Variants in WNT1 observed in about 807,000 individuals in gnomAD.
WNT1 encodes Wnt family member 1.
A neutral mutation model predicts 21.3 loss-of-function variants in WNT1; 10 were observed. That is an observed-to-expected ratio of 0.47 (90% CI 0.29 to 0.80). The LOEUF is 0.80. Among genes scored for constraint, WNT1 ranks in the 30% least tolerant of loss-of-function variants. The pLI is 0.09. For synonymous variants in WNT1, 208 were observed against 236.3 expected (o/e 0.88, Z 1.10); for missense variants, 476 against 534.1 (o/e 0.89, Z 1.07).
Position 48,982,273 on chromosome 12 carries a change from T to A in WNT1, c.*633T>A, listed in dbSNP as rs186599740. 2.8e-4 allele frequency among the ~76,000 whole-genome samples: 43 copies of A among 152,272 alleles called. No homozygotes were observed. The highest frequency in any genetic ancestry group is 5.9e-4 in the Admixed American group (9 of 15,278). ...TGAACAGCTGTGAGCCATGCCTCCC[T>A]GGGCCACCTCCTACCCCTTCCTGTC... is the stretch of plus-strand genomic sequence containing the variant. On this transcript the variant is annotated 3_prime_UTR_variant, in exon 4 of 4. Coordinates refer to ENST00000293549, the MANE Select transcript of WNT1 (RefSeq NM_005430.4).
chr12:48,981,444 G>T lies in WNT1; in HGVS notation c.917G>T (p.Gly306Val). Reference protein sequence around the residue: ...PNFCTYSGRLGTAGTAGRACN... With the variant: ...PNFCTYSGRLVTAGTAGRACN... Reference sequence around the variant, plus strand: ...TTCTGCACGTACAGCGGACGCCTGGGCACAGCAGGCACGGCAGGGCGCGCC... The same window carrying T: ...TTCTGCACGTACAGCGGACGCCTGGTCACAGCAGGCACGGCAGGGCGCGCC... Residue 306 changes from glycine to valine, a missense_variant, in exon 4 of 4, where the codon GGC (glycine) becomes GTC (valine). Gly to Val is a moderately radical substitution (Grantham distance 109, BLOSUM62 -3). Coordinates refer to ENST00000293549, the MANE Select transcript of WNT1 (RefSeq NM_005430.4). The surrounding 1 kb of genome is among the most constrained non-coding windows in gnomAD (Gnocchi z 7.4). 6.4e-7 allele frequency: 1 copy of T among 1,566,326 alleles called. No homozygotes were observed. The highest frequency in any genetic ancestry group is 8.7e-7 in the Non-Finnish European group (1 of 1,155,340).
chr12:48,982,537 T>C lies in WNT1; in HGVS notation c.*897T>C, dbSNP rs899809887. ...TTTGCCTCCTGGAATCAGTATTTCC[T>C]TCCACTGTAGCTATTAGCGGCTCCT... On this transcript the variant is annotated 3_prime_UTR_variant, in exon 4 of 4. Transcript: ENST00000293549. Among the ~76,000 whole-genome samples the C allele has an allele frequency of 1.3e-5, 2 of 152,178 alleles. No homozygotes were observed. The highest frequency in any genetic ancestry group is 4.8e-5 in the African/African-American group (2 of 41,432).
At position 48,979,745 on chromosome 12, in the gene WNT1, T is replaced by C. The variant is rs1175517494; in HGVS notation, c.358+24T>C. 6.4e-7 allele frequency: 1 copy of C among 1,561,956 alleles called. No individual in the cohort carries two copies. Among genetic ancestry groups the C allele is most frequent in the Non-Finnish European group, 8.7e-7 (1 of 1,151,710 alleles). ...AGGTGGGTGCCCAGGAAGGCGACGC[T>C]TCCGGGAGCAGGGGAAACGCGGGGT... On this transcript the variant is annotated intron_variant, in intron 2 of 3. Transcript: ENST00000293549. This position sits in a 1 kb window ranked among gnomAD's most constrained non-coding sequence, Gnocchi z 6.0.
chr12:48,979,333 T>G lies in WNT1; in HGVS notation c.105-135T>G. 2 of 1,209,118 alleles carry G rather than the reference T, an allele frequency of 1.7e-6. No homozygotes were observed. The highest frequency in any genetic ancestry group is 2.3e-6 in the Non-Finnish European group (2 of 873,696). 74.9% of individuals were successfully genotyped at this position (1,209,118 alleles called of 1,614,324 possible). A position where few individuals can be genotyped will look rare whatever the true frequency, so the allele number is the denominator to read the frequency against. ...CCCAGTTCTTTCAAATTAGTGAGCC[T>G]GGGAGAGCGGGTATTATTAATCTCC... On this transcript the variant is annotated intron_variant, in intron 1 of 3. Transcript: ENST00000293549. This position sits in a 1 kb window ranked among gnomAD's most constrained non-coding sequence, Gnocchi z 6.0.
rs1288891943 is a variant in WNT1 at position 48,980,689 on chromosome 12, G to A, written c.624G>A (p.Thr208=). The A allele has an allele frequency of 3.9e-6, 6 of 1,542,876 alleles. No homozygotes were observed. The highest frequency in any genetic ancestry group is 4.4e-6 in the Non-Finnish European group (5 of 1,145,930). ...MNLHNNEAGR[T]TVFSEMRQEC... ...TTCACAACAACGAGGCAGGCCGTAC[G>A]GTGAGCTTTGAGAGGCTCCGCACCC... is the stretch of plus-strand genomic sequence containing the variant. The change falls in exon 3 of 4, where the codon ACG becomes ACA. Residue 208 remains threonine (T), a splice_region_variant and synonymous_variant. Coordinates refer to ENST00000293549, the MANE Select transcript of WNT1 (RefSeq NM_005430.4). This position sits in a 1 kb window ranked among gnomAD's most constrained non-coding sequence, Gnocchi z 7.0.
Position 48,981,337 on chromosome 12 carries a change from G to A in WNT1, c.810G>A (p.Glu270=), listed in dbSNP as rs1941011069. 1 of 1,566,500 alleles carries A rather than the reference G, an allele frequency of 6.4e-7. No individual in the cohort carries two copies. The highest frequency in any genetic ancestry group is 8.7e-7 in the Non-Finnish European group (1 of 1,155,800). Residue 270 remains glutamate, a synonymous_variant, in exon 4 of 4, where the codon GAG becomes GAA. Coordinates refer to ENST00000293549, the MANE Select transcript of WNT1 (RefSeq NM_005430.4). The surrounding 1 kb of genome is among the most constrained non-coding windows in gnomAD (Gnocchi z 7.4). ...GCAGCAACCGCGCTTCGCGGGCGGA[G>A]CTGCTGCGCCTGGAGCCGGAAGACC... is the stretch of plus-strand genomic sequence containing the variant. ...NRGSNRASRA[E]LLRLEPEDPA... is the part of the protein sequence containing the mutation.
Position 48,980,421 on chromosome 12 carries a change from C to T in WNT1, c.359-3C>T. 1 of 1,614,224 alleles carries T rather than the reference C, an allele frequency of 6.2e-7. No individual in the cohort carries two copies. Among genetic ancestry groups the T allele is most frequent in the Non-Finnish European group, 8.5e-7 (1 of 1,180,038 alleles). ...CGCTGATCCCCGCTCCCTTCTCCCA[C>T]AGGCTGTCGAGAAACGGCGTTTATC... is the stretch of plus-strand genomic sequence containing the variant. On this transcript the variant is annotated splice_region_variant and splice_polypyrimidine_tract_variant and intron_variant, in intron 2 of 3. Coordinates refer to ENST00000293549, the MANE Select transcript of WNT1 (RefSeq NM_005430.4). The surrounding 1 kb of genome is among the most constrained non-coding windows in gnomAD (Gnocchi z 7.0).
Position 48,981,755 on chromosome 12 carries a change from C to A in WNT1, c.*115C>A, listed in dbSNP as rs183334037. On this transcript the variant is annotated 3_prime_UTR_variant, in exon 4 of 4. Coordinates refer to ENST00000293549, the MANE Select transcript of WNT1 (RefSeq NM_005430.4). This position sits in a 1 kb window ranked among gnomAD's most constrained non-coding sequence, Gnocchi z 7.4. Reference sequence around the variant, plus strand: ...CCCGAGTACCTCCAGTCACACTCCCCGCGGTTCATACGCATCCCATCTCTC... The same window carrying A: ...CCCGAGTACCTCCAGTCACACTCCCAGCGGTTCATACGCATCCCATCTCTC... 273 of 1,346,142 alleles carry A rather than the reference C, an allele frequency of 2.0e-4. 3 individuals are homozygous for A. The African/African-American group carries it at 3.8e-3, about 19-fold the overall frequency. The allele number at this position is 1,346,142 out of a possible 1,614,324, so 83.4% of individuals were successfully genotyped here. A position where few individuals can be genotyped will look rare whatever the true frequency, so the allele number is the denominator to read the frequency against.
Position 48,979,511 on chromosome 12 carries a change from T to C in WNT1, c.148T>C (p.Ser50Pro). 6.2e-7 allele frequency: 1 copy of C among 1,613,906 alleles called. No homozygotes were observed. Among genetic ancestry groups the C allele is most frequent in the Non-Finnish European group, 8.5e-7 (1 of 1,179,992 alleles). Reference sequence around the variant, plus strand: ...CTCCTCCACGAACCTGCTTACAGACTCCAAGAGTCTGCAACTGGTACTCGA... The same window carrying C: ...CTCCTCCACGAACCTGCTTACAGACCCCAAGAGTCTGCAACTGGTACTCGA... ...VASSTNLLTD[S>P]KSLQLVLEPS... Residue 50 changes from serine to proline, a missense_variant, in exon 2 of 4, where the codon TCC becomes CCC. Transcript: ENST00000293549. This position sits in a 1 kb window ranked among gnomAD's most constrained non-coding sequence, Gnocchi z 6.0.
chr12:48,979,655 C>T lies in WNT1; in HGVS notation c.292C>T (p.Arg98Trp). ...CGTGCGCGAGTGCAAGTGGCAGTTC[C>T]GGAATCGCCGCTGGAACTGTCCCAC... ...SAVRECKWQF[R>W]NRRWNCPTAP... The change falls in exon 2 of 4, where the codon CGG becomes TGG. Residue 98 changes from arginine to tryptophan, a missense_variant. Transcript: ENST00000293549. This position sits in a 1 kb window ranked among gnomAD's most constrained non-coding sequence, Gnocchi z 6.0. The T allele has an allele frequency of 6.2e-7, 1 of 1,613,176 alleles. No individual in the cohort carries two copies. Among genetic ancestry groups the T allele is most frequent in the Non-Finnish European group, 8.5e-7 (1 of 1,179,488 alleles).
chr12:48,981,456 C>T lies in WNT1; in HGVS notation c.929C>T (p.Thr310Met), dbSNP rs1941013307. ...TYSGRLGTAGTAGRACNSSSP... is the reference protein window; with the variant it reads ...TYSGRLGTAGMAGRACNSSSP... The stretch of plus-strand genomic sequence containing the variant: ...AGCGGACGCCTGGGCACAGCAGGCA[C>T]GGCAGGGCGCGCCTGTAACAGCTCG... The change falls in exon 4 of 4, where the codon ACG becomes ATG. Residue 310 changes from threonine to methionine, a missense_variant. Physicochemically the swap from Thr to Met is moderately conservative, Grantham distance 81. Transcript: ENST00000293549. The surrounding 1 kb of genome is among the most constrained non-coding windows in gnomAD (Gnocchi z 7.4). 2 of 1,560,278 alleles carry T rather than the reference C, an allele frequency of 1.3e-6. No homozygotes were observed. The highest frequency in any genetic ancestry group is 8.7e-7 in the Non-Finnish European group (1 of 1,152,464).
At position 48,981,154 on chromosome 12, in the gene WNT1, C is replaced by T. The variant is rs746357834; in HGVS notation, c.627C>T (p.Thr209=). 5.6e-6 allele frequency: 9 copies of T among 1,611,780 alleles called. No individual in the cohort carries two copies. The highest frequency in any genetic ancestry group is 3.3e-5 in the South Asian group (3 of 91,018). The change falls in exon 4 of 4, where the codon ACC becomes ACT. Residue 209 remains threonine, a splice_region_variant and synonymous_variant. Coordinates refer to ENST00000293549, the MANE Select transcript of WNT1 (RefSeq NM_005430.4). The surrounding 1 kb of genome is among the most constrained non-coding windows in gnomAD (Gnocchi z 7.4). ...NLHNNEAGRT[T]VFSEMRQECK... is the part of the protein sequence containing the mutation. ...TCTTTCTTCCCCTATCCCCGCAGACCGTATTCTCCGAGATGCGCCAGGAGT... is the reference window on the plus strand; with the variant it reads ...TCTTTCTTCCCCTATCCCCGCAGACTGTATTCTCCGAGATGCGCCAGGAGT...
chr12:48,981,725 G>A lies in WNT1; in HGVS notation c.*85G>A. ...GCTAGCACTCAAGACCCGGTTATTCGCCCACCCGAGTACCTCCAGTCACAC... is the reference window on the plus strand; with the variant it reads ...GCTAGCACTCAAGACCCGGTTATTCACCCACCCGAGTACCTCCAGTCACAC... On this transcript the variant is annotated 3_prime_UTR_variant, in exon 4 of 4. Transcript: ENST00000293549. This position sits in a 1 kb window ranked among gnomAD's most constrained non-coding sequence, Gnocchi z 7.4. 7.2e-7 allele frequency: 1 copy of A among 1,395,602 alleles called. No homozygotes were observed. The highest frequency in any genetic ancestry group is 9.3e-7 in the Non-Finnish European group (1 of 1,079,180). 86.5% of individuals were successfully genotyped at this position (1,395,602 alleles called of 1,614,324 possible). A position where few individuals can be genotyped will look rare whatever the true frequency, so the allele number is the denominator to read the frequency against.
In WNT1 at chr12:48,978,631, C is replaced by G; in HGVS notation, c.-20C>G. On this transcript the variant is annotated 5_prime_UTR_variant, in exon 1 of 4. Coordinates refer to ENST00000293549, the MANE Select transcript of WNT1 (RefSeq NM_005430.4). This position sits in a 1 kb window ranked among gnomAD's most constrained non-coding sequence, Gnocchi z 7.4. The stretch of plus-strand genomic sequence containing the variant: ...AAGTCGCCGCAACTGCAGCACAGAG[C>G]GGGCAAAGCCAGGCAGGCCATGGGG... The G allele has an allele frequency of 6.4e-7, 1 of 1,557,708 alleles. No individual in the cohort carries two copies. Among genetic ancestry groups the G allele is most frequent in the Non-Finnish European group, 8.7e-7 (1 of 1,151,652 alleles).
rs1940972967 is a variant in WNT1 at position 48,978,975 on chromosome 12, G to A, written c.104+221G>A. 1.3e-5 allele frequency among the ~76,000 whole-genome samples: 2 copies of A among 152,258 alleles called. No homozygotes were observed. Among genetic ancestry groups the A allele is most frequent in the African/African-American group, 4.8e-5 (2 of 41,470 alleles). ...GCCCGCGGAGGCCTAAGATACCCCA[G>A]GCAGGGAGCCCACTCTCATCTAGCA... On this transcript the variant is annotated intron_variant, in intron 1 of 3. Coordinates refer to ENST00000293549, the MANE Select transcript of WNT1 (RefSeq NM_005430.4). This position sits in a 1 kb window ranked among gnomAD's most constrained non-coding sequence, Gnocchi z 7.4.
rs772335979 is a variant in WNT1 at position 48,980,654 on chromosome 12, C to A, written c.589C>A (p.Leu197Ile). 1.9e-5 allele frequency: 30 copies of A among 1,576,120 alleles called. No individual in the cohort carries two copies. The highest frequency in any genetic ancestry group is 2.6e-5 in the Non-Finnish European group (30 of 1,161,198). ...SGEKGRDLRF[L>I]MNLHNNEAGR... ...GGAGAAGGGGCGGGACCTGCGCTTCCTCATGAACCTTCACAACAACGAGGC... is the reference window on the plus strand; with the variant it reads ...GGAGAAGGGGCGGGACCTGCGCTTCATCATGAACCTTCACAACAACGAGGC... Residue 197 changes from leucine (L) to isoleucine (I), a missense_variant, in exon 3 of 4, where the codon CTC becomes ATC. Transcript: ENST00000293549. The surrounding 1 kb of genome is among the most constrained non-coding windows in gnomAD (Gnocchi z 7.0).
Position 48,978,801 on chromosome 12 carries a change from C to A in WNT1, c.104+47C>A. On this transcript the variant is annotated intron_variant, in intron 1 of 3. Transcript: ENST00000293549. The surrounding 1 kb of genome is among the most constrained non-coding windows in gnomAD (Gnocchi z 7.4). Reference sequence around the variant, plus strand: ...CGCCACTTGTCCCGCGGCACAGAGCCAGGGGCCAACCCTACCCAGCTCCCA... The same window carrying A: ...CGCCACTTGTCCCGCGGCACAGAGCAAGGGGCCAACCCTACCCAGCTCCCA... The A allele has an allele frequency of 7.4e-7, 1 of 1,353,722 alleles. No individual in the cohort carries two copies. Among genetic ancestry groups the A allele is most frequent in the East Asian group, 2.5e-5 (1 of 40,772 alleles). 83.9% of individuals were successfully genotyped at this position (1,353,722 alleles called of 1,614,324 possible). A position where few individuals can be genotyped will look rare whatever the true frequency, so the allele number is the denominator to read the frequency against.
chr12:48,981,384 C>T lies in WNT1; in HGVS notation c.857C>T (p.Pro286Leu), dbSNP rs971170418. 1.3e-5 allele frequency: 21 copies of T among 1,577,612 alleles called. No individual in the cohort carries two copies. The highest frequency in any genetic ancestry group is 1.7e-5 in the Non-Finnish European group (20 of 1,161,266). ...GACCCGGCCCACAAACCGCCCTCCC[C>T]CCACGACCTCGTCTACTTCGAGAAA... Reference protein sequence around the residue: ...PEDPAHKPPSPHDLVYFEKSP... With the variant: ...PEDPAHKPPSLHDLVYFEKSP... Residue 286 changes from proline to leucine, a missense_variant, in exon 4 of 4, where the codon CCC becomes CTC. By Grantham distance (98) the Pro-to-Leu change is moderately conservative (BLOSUM62 -3). Coordinates refer to ENST00000293549, the MANE Select transcript of WNT1 (RefSeq NM_005430.4). The surrounding 1 kb of genome is among the most constrained non-coding windows in gnomAD (Gnocchi z 7.4).
Position 48,981,753 on chromosome 12 carries a change from C to T in WNT1, c.*113C>T. 7 of 1,352,974 alleles carry T rather than the reference C, an allele frequency of 5.2e-6. No homozygotes were observed. Among genetic ancestry groups the T allele is most frequent in the Non-Finnish European group, 6.7e-6 (7 of 1,042,416 alleles). The allele number at this position is 1,352,974 out of a possible 1,614,324, so 83.8% of individuals were successfully genotyped here. The stretch of plus-strand genomic sequence containing the variant: ...CACCCGAGTACCTCCAGTCACACTC[C>T]CCGCGGTTCATACGCATCCCATCTC... On this transcript the variant is annotated 3_prime_UTR_variant, in exon 4 of 4. Transcript: ENST00000293549. The surrounding 1 kb of genome is among the most constrained non-coding windows in gnomAD (Gnocchi z 7.4).
Sources: allele counts gnomAD v4.1 joint callset (sites outside exome capture counted in the v4.1 genomes callset), GRCh38; gene constraint gnomAD v4.1.1; non-coding constraint Gnocchi (gnomAD v3.1); transcripts MANE v1.5; gene names NCBI Gene and HGNC (gene_info 2026-07-23, HGNC 2026-07-21).